Variants in PARD6G observed in about 807,000 individuals in gnomAD.
PARD6G encodes the protein par-6 family cell polarity regulator gamma.
PARD6G carries 7 observed loss-of-function variants against 10.7 expected under a neutral mutation model. The ratio of observed to expected loss-of-function variants is 0.66; its 90% CI spans 0.37 to 1.23. The LOEUF is 1.23. Among genes scored for constraint, PARD6G ranks in the 50% most tolerant of loss-of-function variants. The pLI is 0.02. For missense variants in PARD6G, 548 were observed against 571.8 expected, an observed-to-expected ratio of 0.96 and a Z score of 0.42; for synonymous variants, 287 against 269.4, an observed-to-expected ratio of 1.07 and a Z score of -0.64.
At chr18:80,173,785 C>T (rs2052792205) in intron 2 of PARD6G, among the ~76,000 whole-genome samples, 2 of 152,184 alleles carry the variant, frequency 1.3e-5, no homozygotes, top group Admixed American at 1.3e-4. Flanking sequence ...TTTTCTCTGC[C>T]AAAAGGAAAT....
At chr18:80,215,409 G>T (rs533158971) in intron 1 of PARD6G, among the ~76,000 whole-genome samples, 1 of 152,082 alleles carries the variant, frequency 6.6e-6, no homozygotes, top group Non-Finnish European at 1.5e-5. Flanking sequence ...GATTTAAAAG[G>T]ACAACTGCAG....
chr18:80,164,367 A>T (rs2052721203), intron 2 of PARD6G, among the ~76,000 whole-genome samples: 2 of 152,050 alleles, frequency 1.3e-5, no homozygotes, highest in South Asian at 4.2e-4. Flanking sequence ...TGCACTCCAA[A>T]CCCTCCAACC....
rs1419120967 is a variant in PARD6G at position 80,200,941 on chromosome 18, A to G, written c.295+1769T>C. ...CCCAGCTCCACAGTCAGCGGGACAA[A>G]AAGACTTGTTTCCTGCACGATGGGC... On this transcript the variant is annotated intron_variant, in intron 2 of 2. Transcript: ENST00000353265. The surrounding 1 kb of genome is among the most constrained non-coding windows in gnomAD (Gnocchi z 4.4). Among the ~76,000 whole-genome samples, 1 of 152,172 alleles carries G rather than the reference A, an allele frequency of 6.6e-6. No individual in the cohort carries two copies. Among genetic ancestry groups the G allele is most frequent in the African/African-American group, 2.4e-5 (1 of 41,436 alleles).
In PARD6G at chr18:80,160,509, G is replaced by C; in HGVS notation, c.393C>G (p.His131Gln). The C allele has an allele frequency of 6.5e-7, 1 of 1,536,188 alleles. No homozygotes were observed. ...AGTCGCGCGGGAGGCCGATGTCCAG[G>C]TGTGCACGCCGCCGGGGTCCTTCAT... is the stretch of plus-strand genomic sequence containing the variant. ...LRDEGPRRRA[H>Q]LDIGLPRDFR... The change falls in exon 3 of 3, where the codon CAC becomes CAG. Residue 131 changes from histidine to glutamine, a missense_variant. This residue lies in a region of PARD6G where 235 missense variants were observed against 291.9 expected (regional missense o/e 0.81). Transcript: ENST00000353265.
At chr18:80,233,504 G>A (rs754989285) in intron 1 of PARD6G, among the ~76,000 whole-genome samples, 1 of 152,180 alleles carries the variant, frequency 6.6e-6, no homozygotes, top group African/African-American at 2.4e-5. Flanking sequence ...TTTGTCCCAA[G>A]GAAACACCCC....
At chr18:80,199,161 T>C (rs1007507705) in intron 2 of PARD6G, among the ~76,000 whole-genome samples, 3 of 152,226 alleles carry the variant, frequency 2.0e-5, no homozygotes, top group African/African-American at 7.2e-5. Flanking sequence ...CATAGAACCA[T>C]TGCTTCCGGG....
chr18:80,234,179 A>G (rs888878861), intron 1 of PARD6G, among the ~76,000 whole-genome samples: 2 of 152,278 alleles, frequency 1.3e-5, no homozygotes, highest in Admixed American at 1.3e-4. Flanking sequence ...AAAGGGCCCC[A>G]GCACAGCGAT....
At chr18:80,230,214 C>T (rs79900574) in intron 1 of PARD6G, among the ~76,000 whole-genome samples, 3,911 of 152,326 alleles carry the variant, frequency 0.026, 161 homozygotes, top group African/African-American at 0.089. Context: ...TGTAAAGGAT[C>T]TCACGCGTGT....
rs797009348 is a variant in PARD6G, at chr18:80,184,580, G to C, written c.295+18130C>G. On this transcript the variant is annotated intron_variant, in intron 2 of 2. Coordinates refer to ENST00000353265, the MANE Select transcript of PARD6G (RefSeq NM_032510.4). The surrounding 1 kb of genome is among the most constrained non-coding windows in gnomAD (Gnocchi z 4.5). ...CAGAGGGAGCAAGGCCGTGAAACCCGCAGCGGGAGCGAGGCGCGGAAACAG... is the reference window on the plus strand; with the variant it reads ...CAGAGGGAGCAAGGCCGTGAAACCCCCAGCGGGAGCGAGGCGCGGAAACAG... 1 of 151,896 alleles carries C rather than the reference G, an allele frequency of 6.6e-6. No homozygotes were observed. Among genetic ancestry groups the C allele is most frequent in the Non-Finnish European group, 1.5e-5 (1 of 68,104 alleles). The allele number at this position is 151,896 out of a possible 1,614,324, so 9.4% of individuals were successfully genotyped here. A position where few individuals can be genotyped will look rare whatever the true frequency, so the allele number is the denominator to read the frequency against.
At position 80,201,988 on chromosome 18, in the gene PARD6G, T is replaced by C. The variant is rs1170196995; in HGVS notation, c.295+722A>G. The C allele has an allele frequency of 6.6e-6, 1 of 152,316 alleles. No individual in the cohort carries two copies. Among genetic ancestry groups the C allele is most frequent in the African/African-American group, 2.4e-5 (1 of 41,454 alleles). The allele number at this position is 152,316 out of a possible 1,614,324, so 9.4% of individuals were successfully genotyped here. ...CCTTGCAACTGTCACCACTGGCTGC[T>C]TGGTTCCTTGAGGTGGTCAGTGTTC... On this transcript the variant is annotated intron_variant, in intron 2 of 2. Transcript: ENST00000353265. The surrounding 1 kb of genome is among the most constrained non-coding windows in gnomAD (Gnocchi z 5.9).
At position 80,184,402 on chromosome 18, in the gene PARD6G, CCAACCGATGAACA is replaced by C. The variant is rs2145265766; in HGVS notation, c.295+18295_295+18307del. The C allele has an allele frequency of 6.6e-6, 1 of 152,408 alleles. No individual in the cohort carries two copies. Among genetic ancestry groups the C allele is most frequent in the South Asian group, 2.1e-4 (1 of 4,830 alleles). 9.4% of individuals were successfully genotyped at this position (152,408 alleles called of 1,614,324 possible). On this transcript the variant is annotated intron_variant, in intron 2 of 2. Coordinates refer to ENST00000353265, the MANE Select transcript of PARD6G (RefSeq NM_032510.4). This position sits in a 1 kb window ranked among gnomAD's most constrained non-coding sequence, Gnocchi z 4.5. ...ACCCCGATGTCCATCAACTGATGAA[CCAACCGATGAACA>C]CAGGGTGACCTGTCCATACAGTGGG...
intron 1 of PARD6G, among the ~76,000 whole-genome samples, chr18:80,211,710 A>G (rs367802518): frequency 1.3e-5 from 2 of 152,376 alleles, no homozygotes; most frequent in East Asian, 3.9e-4. Flanking sequence ...ATACAATGGA[A>G]TATTATTCCA....
At chr18:80,205,272 G>T (rs906654093) in intron 1 of PARD6G, among the ~76,000 whole-genome samples, 1 of 152,160 alleles carries the variant, frequency 6.6e-6, no homozygotes, top group African/African-American at 2.4e-5. Flanking sequence ...ACACACAGGG[G>T]CTCCAAAACT....
chr18:80,160,708 A>G, intron 2 of PARD6G, 102 bp from the exon 3 acceptor site: 4 of 1,412,358 alleles, frequency 2.8e-6, no homozygotes, highest in Non-Finnish European at 3.7e-6. Flanking sequence ...GTGACGCCGA[A>G]GCACCCAGGG....
chr18:80,212,834 G>A (rs1363292947), intron 1 of PARD6G, among the ~76,000 whole-genome samples: 1 of 151,838 alleles, frequency 6.6e-6, no homozygotes, highest in Non-Finnish European at 1.5e-5. Flanking sequence ...GCAGTGAGCC[G>A]AGATTGTGCC....
chr18:80,204,803 G>A (rs1258556579), intron 1 of PARD6G, among the ~76,000 whole-genome samples: 3 of 151,956 alleles, frequency 2.0e-5, no homozygotes, highest in East Asian at 1.9e-4. Flanking sequence ...ACCAAAAAAT[G>A]AGCCAGGCAT....
intron 1 of PARD6G, among the ~76,000 whole-genome samples, chr18:80,215,274 T>C (rs1270861010): frequency 1.3e-5 from 2 of 152,092 alleles, no homozygotes; most frequent in African/African-American, 4.8e-5. Flanking sequence ...CAGGCTGAAA[T>C]AAAAGAACAT....
intron 2 of PARD6G, among the ~76,000 whole-genome samples, chr18:80,164,431 C>T (rs1348765104): frequency 6.6e-6 from 1 of 152,218 alleles, no homozygotes; most frequent in Non-Finnish European, 1.5e-5. Context: ...AAGGCTCCAG[C>T]TTTTAACTTT....
intron 2 of PARD6G, among the ~76,000 whole-genome samples, chr18:80,186,033 C>CAT (rs1234363010): frequency 2.8e-5 from 4 of 143,094 alleles, no homozygotes; most frequent in East Asian, 2.2e-4. Context: ...TATACCCTGA[C>CAT]ATGCTCGCAC....
Sources: gnomAD v4.1 joint callset for allele counts (sites outside exome capture counted in the v4.1 genomes callset) on GRCh38, gnomAD v4.1.1 for gene constraint, gnomAD v4.1.1 regional missense constraint, Gnocchi (gnomAD v3.1) non-coding constraint, MANE v1.5 for transcripts, NCBI Gene and HGNC (gene_info 2026-07-23, HGNC 2026-07-21) for gene names.